DPY19L2: variants seen among roughly 807,000 people sequenced by gnomAD.
DPY19L2 encodes probable C-mannosyltransferase DPY19L2.
DPY19L2 carries 34 observed loss-of-function variants against 97.9 expected under a neutral mutation model. The ratio of observed to expected loss-of-function variants is 0.35; its 90% confidence interval spans 0.26 to 0.46. DPY19L2 has a LOEUF of 0.46. Ranked by LOEUF, DPY19L2 falls within the 20% of genes least tolerant of loss-of-function variation. DPY19L2 has a pLI of 1.00. For missense variants in DPY19L2, 623 were observed against 911.4 expected, an observed-to-expected ratio of 0.68 and a Z score of 4.07; for synonymous variants, 230 against 307.9, an observed-to-expected ratio of 0.75 and a Z score of 2.65.
chr12:63,593,979 A>T, intron 16 of DPY19L2, 108 bp downstream of exon 16: 1 of 691,812 alleles, frequency 1.4e-6, no homozygotes, highest in Non-Finnish European at 2.3e-6. Context: ...TTCCTTTCTT[A>T]ATCACAATGC....
At chr12:63,609,893 A>C (rs1470688456) in intron 11 of DPY19L2, among the ~76,000 whole-genome samples, 1 of 152,180 alleles carries the variant, frequency 6.6e-6, no homozygotes, top group African/African-American at 2.4e-5. Context: ...CAGGATTACT[A>C]AACTTCCAAT....
At chr12:63,629,839 G>A (rs1488869893) in intron 6 of DPY19L2, among the ~76,000 whole-genome samples, 2 of 152,146 alleles carry the variant, frequency 1.3e-5, no homozygotes, top group Non-Finnish European at 2.9e-5. Context: ...ACCCACAAAG[G>A]GAAGCCCATC....
rs375401819 is a variant in DPY19L2 at position 63,668,295 on chromosome 12, T to C, written c.99A>G (p.Val33=). 157 of 1,613,622 alleles carry C rather than the reference T, an allele frequency of 9.7e-5. 1 individual carries two copies. The highest frequency in any genetic ancestry group is 1.2e-4 in the Non-Finnish European group (141 of 1,179,818). ...GGGCCGACTTTTCCATCTCCTCCTC[T>C]ACCTCCGGCTCCCGGGCGAGGGAGG... ...RGASLAREPE[V]EEEMEKSALG... Residue 33 remains valine, a synonymous_variant, in exon 1 of 22, where the codon GTA becomes GTG. Coordinates refer to ENST00000324472, the MANE Select transcript of DPY19L2 (RefSeq NM_173812.5).
At chr12:63,602,999 T>C (rs1885427535) in intron 12 of DPY19L2, among the ~76,000 whole-genome samples, 1 of 152,120 alleles carries the variant, frequency 6.6e-6, no homozygotes, top group South Asian at 2.1e-4. Context: ...ACTCAATTTA[T>C]GCTACACAGG....
rs745370120 is a variant in DPY19L2, at chr12:63,569,344, C to T, written c.2006G>A (p.Arg669Gln). ...ATATGTAGAATAAACTATTTTTGTC[C>T]GAGCCCTTTAAATTTAAACAATAAT... Reference protein sequence around the residue: ...PHYEDADLRARTKIVYSTYSR... With the variant: ...PHYEDADLRAQTKIVYSTYSR... The change falls in exon 21 of 22, where the codon CGG becomes CAG. Residue 669 changes from arginine to glutamine, a missense_variant. Coordinates refer to ENST00000324472, the MANE Select transcript of DPY19L2 (RefSeq NM_173812.5). The T allele has an allele frequency of 8.6e-5, 136 of 1,579,006 alleles. No homozygotes were observed. The highest frequency in any genetic ancestry group is 1.5e-4 in the Admixed American group (8 of 54,680).
chr12:63,586,882 A>C (rs1167859520), intron 16 of DPY19L2, among the ~76,000 whole-genome samples: 1 of 152,212 alleles, frequency 6.6e-6, no homozygotes, highest in Non-Finnish European at 1.5e-5. Context: ...TCAAGAAAAT[A>C]ATTTTTGAAA....
At chr12:63,643,653 G>T (rs1317638027) in intron 6 of DPY19L2, among the ~76,000 whole-genome samples, 1 of 152,134 alleles carries the variant, frequency 6.6e-6, no homozygotes, top group Non-Finnish European at 1.5e-5. Flanking sequence ...AGCAGCAGAA[G>T]GATGGTAGGC....
intron 16 of DPY19L2, among the ~76,000 whole-genome samples, chr12:63,584,609 C>A (rs1472843509): frequency 2.0e-5 from 3 of 152,182 alleles, no homozygotes; most frequent in Non-Finnish European, 4.4e-5. Flanking sequence ...TCCAGCATAT[C>A]CATGCTCTAT....
In DPY19L2 at chr12:63,572,999, G is replaced by T. The variant is rs143958225; in HGVS notation, c.1901-2142C>A. ...GGATGGGTACAAACAAGCCCAGACTGCAAAAACTATAATAAATACCTAACT... is the reference window on the plus strand; with the variant it reads ...GGATGGGTACAAACAAGCCCAGACTTCAAAAACTATAATAAATACCTAACT... On this transcript the variant is annotated intron_variant, in intron 19 of 21. Transcript: ENST00000324472. Among the ~76,000 whole-genome samples, 298 of 152,114 alleles carry T rather than the reference G, an allele frequency of 2.0e-3. 1 individual carries two copies. The highest frequency in any genetic ancestry group is 7.0e-3 in the African/African-American group (289 of 41,482).
In DPY19L2 at chr12:63,600,399, A is replaced by G; in HGVS notation, c.1279-13T>C. 6.6e-7 allele frequency: 1 copy of G among 1,520,190 alleles called. No homozygotes were observed. Among genetic ancestry groups the G allele is most frequent in the Non-Finnish European group, 9.1e-7 (1 of 1,098,064 alleles). 94.2% of individuals were successfully genotyped at this position (1,520,190 alleles called of 1,614,324 possible). On this transcript the variant is annotated splice_polypyrimidine_tract_variant and intron_variant, in intron 12 of 21. Coordinates refer to ENST00000324472, the MANE Select transcript of DPY19L2 (RefSeq NM_173812.5). ...TACCTTGAATTAGCTAGAAAATAAAATAGAAGTCCAGTATTTAAAACTACA... is the reference window on the plus strand; with the variant it reads ...TACCTTGAATTAGCTAGAAAATAAAGTAGAAGTCCAGTATTTAAAACTACA...
intron 7 of DPY19L2, among the ~76,000 whole-genome samples, chr12:63,625,927 A>G: frequency 7.4e-6 from 1 of 134,310 alleles, no homozygotes; most frequent in South Asian, 2.1e-4. Flanking sequence ...AAAAAGTTGA[A>G]TATATATGTT....
chr12:63,643,289 G>C (rs954333091), intron 6 of DPY19L2, among the ~76,000 whole-genome samples: 1 of 151,068 alleles, frequency 6.6e-6, no homozygotes, highest in African/African-American at 2.4e-5. Context: ...TAGTATTCCT[G>C]GCACAACACT....
chr12:63,646,392 T>G (rs1213080944), intron 5 of DPY19L2, among the ~76,000 whole-genome samples: 1 of 152,126 alleles, frequency 6.6e-6, no homozygotes. Context: ...CAAAAAAGTA[T>G]AATTGCCCCT....
At chr12:63,664,529 T>A (rs912664575) in intron 2 of DPY19L2, among the ~76,000 whole-genome samples, 8 of 152,100 alleles carry the variant, frequency 5.3e-5, no homozygotes, top group Non-Finnish European at 1.0e-4. Flanking sequence ...GGGTTCAGAA[T>A]ATAATTTTAA....
intron 12 of DPY19L2, among the ~76,000 whole-genome samples, chr12:63,600,682 A>G (rs2137567533): frequency 6.6e-6 from 1 of 151,520 alleles, no homozygotes; most frequent in South Asian, 2.1e-4. Flanking sequence ...GGAAAAAGAA[A>G]ACAGCTCCCC....
chr12:63,615,035 T>C (rs1015497157), intron 11 of DPY19L2, among the ~76,000 whole-genome samples: 8 of 152,090 alleles, frequency 5.3e-5, no homozygotes, highest in Non-Finnish European at 1.2e-4. Context: ...AAGTATGCTA[T>C]CAGACCACGA....
At chr12:63,642,496 A>G (rs1892840537) in intron 6 of DPY19L2, among the ~76,000 whole-genome samples, 1 of 152,040 alleles carries the variant, frequency 6.6e-6, no homozygotes. Flanking sequence ...TATTACTTAT[A>G]TAGTTCCAGT....
chr12:63,651,276 C>T (rs1247768229), intron 4 of DPY19L2, among the ~76,000 whole-genome samples: 1 of 152,082 alleles, frequency 6.6e-6, no homozygotes, highest in Non-Finnish European at 1.5e-5. Context: ...AAGACTGAAA[C>T]GTAAAACCTA....
intron 12 of DPY19L2, among the ~76,000 whole-genome samples, chr12:63,602,328 T>C (rs918673696): frequency 6.6e-6 from 1 of 151,286 alleles, no homozygotes; most frequent in African/African-American, 2.4e-5. Flanking sequence ...AATGAAGGAA[T>C]TGAAGTAAAG....
Sources: allele counts gnomAD v4.1 joint callset (sites outside exome capture counted in the v4.1 genomes callset), GRCh38; gene constraint gnomAD v4.1.1; transcripts MANE v1.5; gene names NCBI Gene and HGNC (gene_info 2026-07-23, HGNC 2026-07-21).